IFFO2: variants seen among roughly 807,000 people sequenced by gnomAD.
IFFO2 encodes the protein intermediate filament family orphan 2.
A neutral mutation model predicts 53.5 loss-of-function variants in IFFO2; 19 were observed. The ratio of observed to expected loss-of-function variants is 0.36; its 90% CI spans 0.25 to 0.52. The LOEUF is 0.52. IFFO2 is among the 20% of genes least tolerant of loss of function. IFFO2 has a pLI of 0.94. For missense variants in IFFO2, 570 were observed against 727.4 expected, an observed-to-expected ratio of 0.78 and a Z score of 2.49; for synonymous variants, 303 against 313.6, an observed-to-expected ratio of 0.97 and a Z score of 0.36.
intron 1 of IFFO2, among the ~76,000 whole-genome samples, chr1:18,938,754 C>T (rs1936481423): frequency 7.1e-6 from 1 of 140,800 alleles, no homozygotes; most frequent in Non-Finnish European, 1.5e-5. Context: ...ACAGCCTGCC[C>T]AGTGGGGAGC....
chr1:18,949,475 T>C (rs770983155), intron 1 of IFFO2, among the ~76,000 whole-genome samples: 5 of 152,230 alleles, frequency 3.3e-5, no homozygotes, highest in Non-Finnish European at 7.3e-5. Flanking sequence ...CAGGGCTGCC[T>C]CCTTCCCGTC....
At chr1:18,955,247 G>A (rs1001257927) in intron 1 of IFFO2, among the ~76,000 whole-genome samples, 1 of 152,126 alleles carries the variant, frequency 6.6e-6, no homozygotes, top group African/African-American at 2.4e-5. Context: ...AAAATCTCTG[G>A]TTGAAATCCC....
chr1:18,926,729 C>T (rs74961445), intron 1 of IFFO2, among the ~76,000 whole-genome samples: 2 of 152,152 alleles, frequency 1.3e-5, no homozygotes, highest in Admixed American at 1.3e-4. Flanking sequence ...GTGCCTCCCC[C>T]TCTCCCGTCA....
At chr1:18,950,563 C>T (rs1366407024) in intron 1 of IFFO2, among the ~76,000 whole-genome samples, 3 of 152,198 alleles carry the variant, frequency 2.0e-5, no homozygotes, top group Admixed American at 6.5e-5. Flanking sequence ...AGCCAGGATG[C>T]AAAACCCTTT....
At chr1:18,937,935 C>G (rs1936470725) in intron 1 of IFFO2, among the ~76,000 whole-genome samples, 1 of 152,264 alleles carries the variant, frequency 6.6e-6, no homozygotes, top group Admixed American at 6.5e-5. Flanking sequence ...CTTCTCAACT[C>G]CAACCCAGCG....
chr1:18,946,668 C>T (rs1042907624), intron 1 of IFFO2, among the ~76,000 whole-genome samples: 2 of 151,738 alleles, frequency 1.3e-5, no homozygotes, highest in Non-Finnish European at 1.5e-5. Context: ...CTACCCGCCT[C>T]GGCCTCCTAA....
In IFFO2 at chr1:18,948,573, C is replaced by T. The variant is rs1368543727; in HGVS notation, c.665+7095G>A. Among the ~76,000 whole-genome samples the T allele has an allele frequency of 2.0e-5, 3 of 152,232 alleles. No homozygotes were observed. The East Asian group carries it at 5.8e-4, about 29-fold the overall frequency. On this transcript the variant is annotated intron_variant, in intron 1 of 8. Transcript: ENST00000455833. Reference sequence around the variant, plus strand: ...GAGAAACCACATCCTGCTCAGGAAGCCAAGCACCCGGTGCCCAGTGTGGGT... The same window carrying T: ...GAGAAACCACATCCTGCTCAGGAAGTCAAGCACCCGGTGCCCAGTGTGGGT...
Position 18,926,901 on chromosome 1 carries a change from G to C in IFFO2, c.666-5780C>G, listed in dbSNP as rs184771797. Among the ~76,000 whole-genome samples the C allele has an allele frequency of 1.0e-3, 153 of 152,320 alleles. No individual in the cohort carries two copies. The Middle Eastern group carries it at 0.014, about 14-fold the overall frequency. On this transcript the variant is annotated intron_variant, in intron 1 of 8. Coordinates refer to ENST00000455833, the MANE Select transcript of IFFO2 (RefSeq NM_001136265.2). The stretch of plus-strand genomic sequence containing the variant: ...CTCGAGGCTCCCGCTCAGGAGGAAA[G>C]TAGGTGCAGGCCCAGCAAAACAATG...
rs185340427 is a variant in IFFO2, at chr1:18,927,209, G to A, written c.666-6088C>T. ...AGCAGCTCCACGTCAACGGCACAGCGCATGGCTGCCTCCCACCTCCAGAGT... is the reference window on the plus strand; with the variant it reads ...AGCAGCTCCACGTCAACGGCACAGCACATGGCTGCCTCCCACCTCCAGAGT... On this transcript the variant is annotated intron_variant, in intron 1 of 8. Transcript: ENST00000455833. 5.3e-4 allele frequency among the ~76,000 whole-genome samples: 80 copies of A among 152,330 alleles called. 1 individual carries two copies. In the East Asian group the frequency reaches 0.011, roughly 20 times the overall value.
At position 18,905,399 on chromosome 1, in the gene IFFO2, G is replaced by A. The variant is rs1036988145; in HGVS notation, c.*3162C>T. ...TGGGCTACCACAACTGCCTACCCTA[G>A]ATTAAAAAACCCTTCCTTTCATAAA... On this transcript the variant is annotated 3_prime_UTR_variant, in exon 9 of 9. Coordinates refer to ENST00000455833, the MANE Select transcript of IFFO2 (RefSeq NM_001136265.2). 1 of 152,096 alleles carries A rather than the reference G, an allele frequency of 6.6e-6. No homozygotes were observed. The highest frequency in any genetic ancestry group is 1.5e-5 in the Non-Finnish European group (1 of 68,002). 9.4% of individuals were successfully genotyped at this position (152,096 alleles called of 1,614,324 possible). A position where few individuals can be genotyped will look rare whatever the true frequency, so the allele number is the denominator to read the frequency against.
Position 18,916,666 on chromosome 1 carries a change from C to G in IFFO2, c.1103+237G>C, listed in dbSNP as rs116956737. On this transcript the variant is annotated intron_variant, in intron 5 of 8. Coordinates refer to ENST00000455833, the MANE Select transcript of IFFO2 (RefSeq NM_001136265.2). The surrounding 1 kb of genome is among the most constrained non-coding windows in gnomAD (Gnocchi z 4.3). ...CCTGTGCTCCCAACTACTTGGGAGG[C>G]TGAGATGAAAGGATCCCTAAACCCA... 2.0e-5 allele frequency among the ~76,000 whole-genome samples: 3 copies of G among 152,170 alleles called. No homozygotes were observed. In the East Asian group the frequency reaches 5.8e-4, roughly 29 times the overall value.
intron 1 of IFFO2, among the ~76,000 whole-genome samples, chr1:18,924,060 A>AC (rs1216050318): frequency 6.6e-6 from 1 of 152,094 alleles, no homozygotes; most frequent in Non-Finnish European, 1.5e-5. Context: ...TTGAGGACAG[A>AC]CCCCGCATGT....
At position 18,919,845 on chromosome 1, in the gene IFFO2, G is replaced by A. The variant is rs2100651978; in HGVS notation, c.727-72C>T. The A allele has an allele frequency of 2.7e-6, 3 of 1,099,036 alleles. No homozygotes were observed. Among genetic ancestry groups the A allele is most frequent in the Non-Finnish European group, 4.0e-6 (3 of 745,024 alleles). 68.1% of individuals were successfully genotyped at this position (1,099,036 alleles called of 1,614,324 possible). The stretch of plus-strand genomic sequence containing the variant: ...GGGATAGGAGGGTCTGGACACCTGA[G>A]TCCAGAGCCCTAGGCACCCGATGTC... On this transcript the variant is annotated intron_variant, in intron 2 of 8. Coordinates refer to ENST00000455833, the MANE Select transcript of IFFO2 (RefSeq NM_001136265.2). This position sits in a 1 kb window ranked among gnomAD's most constrained non-coding sequence, Gnocchi z 4.9.
In IFFO2 at chr1:18,956,093, C is replaced by G. The variant is rs1033553674; in HGVS notation, c.240G>C (p.Leu80=). 4 of 1,504,766 alleles carry G rather than the reference C, an allele frequency of 2.7e-6. No individual in the cohort carries two copies. In the African/African-American group the frequency reaches 5.7e-5, roughly 21 times the overall value. The allele number at this position is 1,504,766 out of a possible 1,614,324, so 93.2% of individuals were successfully genotyped here. ...GCTGCTGCTCCAGCTGCTTCTCCAG[C>G]AGCCGGTTGCGCCGCTCCAGCTCGT... ...KVHELERRNR[L]LEKQLEQQQS... The change falls in exon 1 of 9, where the codon CTG becomes CTC. Residue 80 remains leucine (L), a synonymous_variant. Coordinates refer to ENST00000455833, the MANE Select transcript of IFFO2 (RefSeq NM_001136265.2). This position sits in a 1 kb window ranked among gnomAD's most constrained non-coding sequence, Gnocchi z 6.4.
chr1:18,930,422 G>A (rs557324703), intron 1 of IFFO2, among the ~76,000 whole-genome samples: 15 of 152,270 alleles, frequency 9.9e-5, no homozygotes, highest in East Asian at 9.6e-4. Context: ...GCTAGATGCC[G>A]CCTTCACCTG....
intron 1 of IFFO2, among the ~76,000 whole-genome samples, chr1:18,942,344 AT>A (rs1936531999): frequency 6.6e-6 from 1 of 152,146 alleles, no homozygotes; most frequent in Non-Finnish European, 1.5e-5. Context: ...GGCCTGACAA[AT>A]AGTACTTTGG....
chr1:18,925,889 A>ATGGATGGT (rs1936280658), intron 1 of IFFO2, among the ~76,000 whole-genome samples: 1 of 26,804 alleles, frequency 3.7e-5, no homozygotes, highest in Non-Finnish European at 7.1e-5. Flanking sequence ...GGATGGATGG[A>ATGGATGGT]TGGATTGGAT....
At chr1:18,953,224 G>C (rs1291369973) in intron 1 of IFFO2, among the ~76,000 whole-genome samples, 1 of 152,212 alleles carries the variant, frequency 6.6e-6, no homozygotes, top group African/African-American at 2.4e-5. Context: ...GGGATCAGAA[G>C]CGGGCTGGGA....
Position 18,916,639 on chromosome 1 carries a change from T to C in IFFO2, c.1103+264A>G, listed in dbSNP as rs989058456. ...AAAATTAGCTGGGCATGGTGGCACA[T>C]GCCTGTGCTCCCAACTACTTGGGAG... On this transcript the variant is annotated intron_variant, in intron 5 of 8. Transcript: ENST00000455833. The surrounding 1 kb of genome is among the most constrained non-coding windows in gnomAD (Gnocchi z 4.3). Among the ~76,000 whole-genome samples, 26 of 152,230 alleles carry C rather than the reference T, an allele frequency of 1.7e-4. No homozygotes were observed. The highest frequency in any genetic ancestry group is 5.8e-4 in the African/African-American group (24 of 41,536).
Sources: gnomAD v4.1 joint callset for allele counts (sites outside exome capture counted in the v4.1 genomes callset) on GRCh38, gnomAD v4.1.1 for gene constraint, Gnocchi (gnomAD v3.1) non-coding constraint, MANE v1.5 for transcripts, NCBI Gene and HGNC (gene_info 2026-07-23, HGNC 2026-07-21) for gene names.